The following NCOA2 variants were observed in gnomAD, a reference collection of about 807,000 sequenced individuals.
NCOA2 encodes class E basic helix-loop-helix protein 75.
NCOA2 carries 21 observed loss-of-function variants against 145.1 expected under a neutral mutation model. The ratio of observed to expected loss-of-function variants is 0.14; its 90% CI spans 0.10 to 0.21. NCOA2 has a LOEUF of 0.21. Among genes scored for constraint, NCOA2 ranks in the 10% least tolerant of loss-of-function variants. The pLI is 1.00. For synonymous variants in NCOA2, 619 were observed against 637.5 expected (o/e 0.97, Z 0.44); for missense variants, 1,472 against 1,837.6 (o/e 0.80, Z 3.64).
rs1812352935 is a variant in NCOA2, at chr8:70,156,863, C to T, written c.1502G>A (p.Arg501Gln). The change falls in exon 11 of 23, where the codon CGA becomes CAA. Residue 501 changes from arginine to glutamine, a missense_variant. Transcript: ENST00000452400. ...AGGGGAAAACTGACTGGGTGGGATT[C>T]GAGGGCTGCCAGCCACTCCAGGGCT... ...RMSPGVAGSP[R>Q]IPPSQFSPAG... 2 of 1,613,920 alleles carry T rather than the reference C, an allele frequency of 1.2e-6. No homozygotes were observed. Among genetic ancestry groups the T allele is most frequent in the South Asian group, 1.1e-5 (1 of 91,072 alleles).
At chr8:70,132,657 C>T (rs1381666594) in intron 15 of NCOA2, among the ~76,000 whole-genome samples, 3 of 152,140 alleles carry the variant, frequency 2.0e-5, no homozygotes, top group Non-Finnish European at 2.9e-5. Context: ...CTCAACCTCC[C>T]GGGCTTAGGT....
At chr8:70,401,859 T>C (rs1352633953) in intron 1 of NCOA2, 1 of 152,292 alleles carries the variant, frequency 6.6e-6, no homozygotes, top group Non-Finnish European at 1.5e-5. Context: ...TATGCCATTT[T>C]AGAAACCGGC....
rs1301927576 is a variant in NCOA2, at chr8:70,403,756, G to A, written c.-133C>T. 1.0e-5 allele frequency: 4 copies of A among 397,580 alleles called. No individual in the cohort carries two copies. The highest frequency in any genetic ancestry group is 8.2e-5 in the African/African-American group (4 of 48,560). The allele number at this position is 397,580 out of a possible 1,614,324, so 24.6% of individuals were successfully genotyped here. ...GCTGCCGTCGGCGCTGACCTTCGCC[G>A]CCGAAGCTGTAGCCGAGGCTGCGGC... On this transcript the variant is annotated 5_prime_UTR_variant, in exon 1 of 23. Transcript: ENST00000452400.
intron 18 of NCOA2, among the ~76,000 whole-genome samples, chr8:70,127,419 C>CA (rs1018888351): frequency 6.6e-6 from 1 of 152,138 alleles, no homozygotes; most frequent in African/African-American, 2.4e-5. Flanking sequence ...AAGTGACATT[C>CA]AAGTCTATAG....
chr8:70,417,356 C>G, the NCOA2 span, among the ~76,000 whole-genome samples: 3 of 151,612 alleles, frequency 2.0e-5, no homozygotes, highest in Non-Finnish European at 4.4e-5. Flanking sequence ...TGAGACCAGC[C>G]TGGCCAACAC....
rs552549879 is a variant in NCOA2 at position 70,121,359 on chromosome 8, C to T, written c.4326G>A (p.Leu1442=). 6.2e-6 allele frequency: 10 copies of T among 1,612,768 alleles called. No homozygotes were observed. In the African/African-American group the frequency reaches 8.0e-5, roughly 13 times the overall value. Residue 1442 remains leucine, a synonymous_variant, in exon 22 of 23, where the codon CTG becomes CTA. Transcript: ENST00000452400. The part of the protein sequence containing the change: ...VNDPALRGGN[L]FPNQLPGMDM... ...CCATTCCAGGCAGCTGGTTTGGGAA[C>T]AGGTTGCCTCCCCTCAGAGCAGGAT...
At chr8:70,290,011 T>C (rs147190609) in intron 2 of NCOA2, among the ~76,000 whole-genome samples, 1 of 152,126 alleles carries the variant, frequency 6.6e-6, no homozygotes, top group East Asian at 1.9e-4. Flanking sequence ...ATGCTACCCC[T>C]ACGTATACTT....
chr8:70,146,508 T>C (rs531366859), intron 12 of NCOA2, among the ~76,000 whole-genome samples: 1 of 152,306 alleles, frequency 6.6e-6, no homozygotes, highest in Non-Finnish European at 1.5e-5. Flanking sequence ...AGAAATAAAA[T>C]ATTTTAAAAA....
chr8:70,365,527 T>A (rs567113157), intron 1 of NCOA2, among the ~76,000 whole-genome samples: 2 of 152,330 alleles, frequency 1.3e-5, no homozygotes, highest in East Asian at 3.9e-4. Flanking sequence ...TTATACAGCA[T>A]CCTACTCTTT....
chr8:70,263,988 A>C (rs1402326067), intron 2 of NCOA2, among the ~76,000 whole-genome samples: 1 of 152,046 alleles, frequency 6.6e-6, no homozygotes, highest in African/African-American at 2.4e-5. Context: ...CAAGGCGGGC[A>C]TATCACTTGA....
chr8:70,173,524 G>A (rs906624954), intron 5 of NCOA2, among the ~76,000 whole-genome samples: 6 of 152,206 alleles, frequency 3.9e-5, no homozygotes, highest in Non-Finnish European at 5.9e-5. Context: ...CCAGAGAGAA[G>A]TAGCACTCTC....
chr8:70,296,625 A>G (rs1827109732), intron 2 of NCOA2, 119 bp downstream of exon 2: 1 of 152,176 alleles, frequency 6.6e-6, no homozygotes, highest in Non-Finnish European at 1.5e-5. Flanking sequence ...ACAAATATAC[A>G]GTTTATTGTT....
At chr8:70,403,596 T>A (rs2131881908) in intron 1 of NCOA2, 104 bp downstream of exon 1, 1 of 322,270 alleles carries the variant, frequency 3.1e-6, no homozygotes, top group African/African-American at 2.2e-5. Context: ...CTGTCGGAGC[T>A]CGGCGCAGGA....
At chr8:70,297,037 T>C (rs1234409334) in intron 1 of NCOA2, among the ~76,000 whole-genome samples, 1 of 152,376 alleles carries the variant, frequency 6.6e-6, no homozygotes, top group Non-Finnish European at 1.5e-5. Context: ...CTGCATTTCA[T>C]TGTGAATTAT....
At chr8:70,226,685 T>C (rs1288924913) in intron 2 of NCOA2, among the ~76,000 whole-genome samples, 20 of 149,872 alleles carry the variant, frequency 1.3e-4, no homozygotes, top group Admixed American at 1.3e-3. Flanking sequence ...TATATAAAAC[T>C]ATACTTAAAA....
At chr8:70,451,270 T>A in the NCOA2 span, among the ~76,000 whole-genome samples, 1 of 137,466 alleles carries the variant, frequency 7.3e-6, no homozygotes, top group Non-Finnish European at 1.5e-5. Flanking sequence ...TAGCCAGGCA[T>A]GGCAGCACGC....
chr8:70,160,952 A>G (rs934395342), intron 9 of NCOA2, among the ~76,000 whole-genome samples: 1 of 152,192 alleles, frequency 6.6e-6, no homozygotes, highest in African/African-American at 2.4e-5. Context: ...TATATTTCCA[A>G]TGGCTTATAA....
chr8:70,354,182 A>T (rs1024355064), intron 1 of NCOA2, among the ~76,000 whole-genome samples: 2 of 152,174 alleles, frequency 1.3e-5, no homozygotes, highest in Non-Finnish European at 2.9e-5. Flanking sequence ...ATCTTTTCTT[A>T]TATCGTTAGG....
At chr8:70,150,640 C>T (rs1299795651) in intron 11 of NCOA2, among the ~76,000 whole-genome samples, 1 of 152,290 alleles carries the variant, frequency 6.6e-6, no homozygotes, top group South Asian at 2.1e-4. Context: ...ATAAAACTGA[C>T]TTTATGTACT....
Sources: allele counts gnomAD v4.1 joint callset (sites outside exome capture counted in the v4.1 genomes callset), GRCh38; gene constraint gnomAD v4.1.1; transcripts MANE v1.5; gene names NCBI Gene and HGNC (gene_info 2026-07-23, HGNC 2026-07-21).